Variants in PSD3 observed in about 807,000 individuals in gnomAD.
The protein encoded by PSD3 is PH and SEC7 domain-containing protein 3.
A neutral mutation model predicts 105.5 loss-of-function variants in PSD3; 49 were observed. That is an observed-to-expected ratio of 0.46 (90% confidence interval 0.37 to 0.59). PSD3 has a LOEUF of 0.59. Ranked by LOEUF, PSD3 falls within the 20% of genes least tolerant of loss-of-function variation. The pLI, the probability that PSD3 is intolerant of heterozygous loss-of-function variation, is 0.00. For missense variants in PSD3, 1,561 were observed against 1,263.8 expected (o/e 1.24, Z -3.57); for synonymous variants, 557 against 457.8 (o/e 1.22, Z -2.77).
intron 1 of PSD3, among the ~76,000 whole-genome samples, chr8:18,948,144 G>A (rs966418731): frequency 9.9e-5 from 15 of 152,122 alleles, no homozygotes; most frequent in African/African-American, 3.1e-4. Flanking sequence ...ACTTCATCTC[G>A]CCTTTTCCCC....
rs181104233 is a variant in PSD3, at chr8:18,825,246, C to A, written c.1635-20348G>T. On this transcript the variant is annotated intron_variant, in intron 4 of 15. Coordinates refer to ENST00000327040, the MANE Select transcript of PSD3 (RefSeq NM_015310.4). ...TTCAAAAGGCATCCTAAGTTCTAAA[C>A]AAATTTAGAAAACTACTGCACCAGT... Among the ~76,000 whole-genome samples the A allele has an allele frequency of 3.9e-3, 587 of 152,218 alleles. 8 individuals are homozygous for A. Among genetic ancestry groups the A allele is most frequent in the African/African-American group, 0.014 (569 of 41,538 alleles).
At chr8:19,001,593 T>A (rs57946481) in intron 1 of PSD3, 56,211 of 151,628 alleles carry the variant, frequency 0.37, 11,263 homozygotes, top group Middle Eastern at 0.59. Context: ...AATTCTCTGC[T>A]TTGACTGACT....
At chr8:18,670,790 G>T (rs1261052947) in intron 9 of PSD3, among the ~76,000 whole-genome samples, 1 of 152,060 alleles carries the variant, frequency 6.6e-6, no homozygotes, top group Non-Finnish European at 1.5e-5. Context: ...CGAGTATCTG[G>T]GCACGAATAG....
At chr8:18,684,304 A>C (rs558832744) in intron 9 of PSD3, among the ~76,000 whole-genome samples, 12 of 152,184 alleles carry the variant, frequency 7.9e-5, no homozygotes, top group African/African-American at 2.9e-4. Flanking sequence ...CAAGCAATTC[A>C]TTAACATTCC....
intron 10 of PSD3, among the ~76,000 whole-genome samples, chr8:18,638,245 G>C (rs1000382940): frequency 6.7e-6 from 1 of 148,544 alleles, no homozygotes; most frequent in South Asian, 2.1e-4. Flanking sequence ...TTTCCTCTAA[G>C]ACCATGAACA....
intron 12 of PSD3, among the ~76,000 whole-genome samples, chr8:18,594,812 A>G (rs574770618): frequency 6.6e-6 from 1 of 152,178 alleles, no homozygotes; most frequent in South Asian, 2.1e-4. Context: ...AGGCCTACAC[A>G]TCACTTCATT....
In PSD3 at chr8:18,632,361, A is replaced by C. The variant is rs563009979; in HGVS notation, c.2410+252T>G. Among the ~76,000 whole-genome samples, 20 of 152,200 alleles carry C rather than the reference A, an allele frequency of 1.3e-4. No individual in the cohort carries two copies. In the East Asian group the frequency reaches 2.5e-3, roughly 19 times the overall value. On this transcript the variant is annotated intron_variant, in intron 11 of 15. Transcript: ENST00000327040. ...AGTATTATTTGTTGAAGCCATGACT[A>C]AATAAATGAATGGATAGAGAATGAA...
At chr8:18,803,388 A>AGTGTGTGTGTGTGTGTGTGT (rs1213067142) in intron 6 of PSD3, 43 of 28,690 alleles carry the variant, frequency 1.5e-3, no homozygotes, top group South Asian at 0.011. Context: ...CAATCTATAA[A>AGTGTGTGTGTGTGTGTGTGT]CTGTGTGTGT....
chr8:18,642,809 C>A (rs1807747109), intron 10 of PSD3, among the ~76,000 whole-genome samples: 1 of 152,076 alleles, frequency 6.6e-6, no homozygotes, highest in Non-Finnish European at 1.5e-5. Flanking sequence ...AAGAGAAATG[C>A]CACTTAGACA....
rs533093335 is a variant in PSD3, at chr8:18,533,446, T to A, written c.*2297A>T. 6.6e-5 allele frequency: 10 copies of A among 152,338 alleles called. No individual in the cohort carries two copies. Among genetic ancestry groups the A allele is most frequent in the African/African-American group, 2.4e-4 (10 of 41,568 alleles). The allele number at this position is 152,338 out of a possible 1,614,324, so 9.4% of individuals were successfully genotyped here. On this transcript the variant is annotated 3_prime_UTR_variant, in exon 16 of 16. Coordinates refer to ENST00000327040, the MANE Select transcript of PSD3 (RefSeq NM_015310.4). Reference sequence around the variant, plus strand: ...TATCCAGAAGTCCCTGGAGTTAATATTAGTGACTCATATGACACGGACAGT... The same window carrying A: ...TATCCAGAAGTCCCTGGAGTTAATAATAGTGACTCATATGACACGGACAGT...
chr8:18,627,390 G>A (rs762809974), intron 11 of PSD3, among the ~76,000 whole-genome samples: 12 of 152,050 alleles, frequency 7.9e-5, no homozygotes, highest in Non-Finnish European at 1.6e-4. Flanking sequence ...TCTGCTCTTG[G>A]CTGTAGCATC....
chr8:18,942,122 A>T (rs960282093), intron 1 of PSD3, among the ~76,000 whole-genome samples: 1 of 152,146 alleles, frequency 6.6e-6, no homozygotes, highest in Non-Finnish European at 1.5e-5. Context: ...AGGGAGAAAA[A>T]GGTTAAGAGT....
chr8:18,762,341 T>C (rs1242671977), intron 9 of PSD3, among the ~76,000 whole-genome samples: 1 of 152,200 alleles, frequency 6.6e-6, no homozygotes, highest in Non-Finnish European at 1.5e-5. Context: ...TTAGGTTTCC[T>C]GAGGCCTCCC....
chr8:19,042,616 C>G (rs545831503), intron 1 of PSD3, among the ~76,000 whole-genome samples: 125 of 152,196 alleles, frequency 8.2e-4, no homozygotes, highest in Admixed American at 1.6e-3. Flanking sequence ...GGGATATAAA[C>G]AAAAAGCACC....
chr8:18,964,048 T>C (rs755788991), intron 1 of PSD3, among the ~76,000 whole-genome samples: 8 of 152,240 alleles, frequency 5.3e-5, no homozygotes, highest in Non-Finnish European at 7.3e-5. Flanking sequence ...CCTATATTTA[T>C]AGGCAAAATA....
chr8:18,801,465 A>T, intron 6 of PSD3, 83 bp from the exon 7 acceptor site: 1 of 729,688 alleles, frequency 1.4e-6, no homozygotes, highest in Non-Finnish European at 2.3e-6. Context: ...AATTTATATA[A>T]ACCTAAGATA....
At chr8:18,941,172 C>A (rs902019584) in intron 1 of PSD3, among the ~76,000 whole-genome samples, 1 of 152,182 alleles carries the variant, frequency 6.6e-6, no homozygotes, top group African/African-American at 2.4e-5. Context: ...TGCTTCATCA[C>A]AGTTGTTTTT....
At chr8:18,944,328 G>A (rs1822729214) in intron 1 of PSD3, among the ~76,000 whole-genome samples, 1 of 152,168 alleles carries the variant, frequency 6.6e-6, no homozygotes, top group Non-Finnish European at 1.5e-5. Flanking sequence ...CCAGCACTTT[G>A]GGAGGCCAAG....
Position 18,684,243 on chromosome 8 carries a change from C to CACACACAG in PSD3, c.2173-28559_2173-28558insCTGTGTGT, listed in dbSNP as rs1554470522. The stretch of plus-strand genomic sequence containing the variant: ...ACACACACACACACACACACACACA[C>CACACACAG]ACACACACCCCATCATATTCACACA... On this transcript the variant is annotated intron_variant, in intron 9 of 15. Coordinates refer to ENST00000327040, the MANE Select transcript of PSD3 (RefSeq NM_015310.4). 551 of 210,920 alleles carry CACACACAG rather than the reference C, an allele frequency of 2.6e-3. 8 individuals are homozygous for CACACACAG. The highest frequency in any genetic ancestry group is 0.012 in the African/African-American group (520 of 43,082). The allele number at this position is 210,920 out of a possible 1,614,324, so 13.1% of individuals were successfully genotyped here. A position where few individuals can be genotyped will look rare whatever the true frequency, so the allele number is the denominator to read the frequency against.
Sources: allele counts gnomAD v4.1 joint callset (sites outside exome capture counted in the v4.1 genomes callset), GRCh38; gene constraint gnomAD v4.1.1; transcripts MANE v1.5; gene names NCBI Gene and HGNC (gene_info 2026-07-23, HGNC 2026-07-21).